Variants in PTPRN2 observed in about 807,000 individuals in gnomAD.
The protein encoded by PTPRN2 is protein tyrosine phosphatase receptor type N2, also known as receptor-type tyrosine-protein phosphatase N2.
Under a neutral mutation model 118.8 loss-of-function variants are expected in PTPRN2, and 74 were observed. That is an observed-to-expected ratio of 0.62 (90% CI 0.52 to 0.76). The LOEUF (loss-of-function observed/expected upper bound fraction) is 0.76. Ranked by LOEUF, PTPRN2 falls within the 30% of genes least tolerant of loss-of-function variation. PTPRN2 has a pLI of 0.00. For missense variants in PTPRN2, 1,481 were observed against 1,394.4 expected (o/e 1.06, Z -0.99); for synonymous variants, 641 against 608.0 (o/e 1.05, Z -0.80).
chr7:157,748,740 G>A (rs1391878971), intron 12 of PTPRN2, among the ~76,000 whole-genome samples: 4 of 132,802 alleles, frequency 3.0e-5, no homozygotes, highest in Non-Finnish European at 4.9e-5. Flanking sequence ...TGAGCTGTGG[G>A]CTGTCCGGGT....
At position 158,059,008 on chromosome 7, in the gene PTPRN2, C is replaced by T. The variant is rs566888413; in HGVS notation, c.1723+22290G>A. Among the ~76,000 whole-genome samples, 153 of 113,608 alleles carry T rather than the reference C, an allele frequency of 1.3e-3. 3 individuals are homozygous for T. The highest frequency in any genetic ancestry group is 6.4e-3 in the African/African-American group (142 of 22,242). The allele number at this position is 113,608 out of a possible 152,430, so 74.5% of individuals were successfully genotyped here. On this transcript the variant is annotated intron_variant, in intron 11 of 22. Coordinates refer to ENST00000389418, the MANE Select transcript of PTPRN2 (RefSeq NM_002847.5). ...GCCCACAGTGAGACATCACTGCAGC[C>T]ACACTCCATCTGCCCACAGTGAGAC...
chr7:158,249,968 G>A lies in PTPRN2; in HGVS notation c.278-44695C>T, dbSNP rs112258663. On this transcript the variant is annotated intron_variant, in intron 3 of 22. Transcript: ENST00000389418. ...GTGAGAGAACACGTGTTGGATGCAC[G>A]ACACACACACGAGTTTCCCACACTG... Among the ~76,000 whole-genome samples the A allele has an allele frequency of 2.6e-3, 389 of 152,054 alleles. 5 individuals are homozygous for A. Among genetic ancestry groups the A allele is most frequent in the African/African-American group, 9.0e-3 (373 of 41,478 alleles).
chr7:158,134,277 C>A (rs1004460138), intron 8 of PTPRN2, among the ~76,000 whole-genome samples: 2 of 152,134 alleles, frequency 1.3e-5, no homozygotes, highest in African/African-American at 4.8e-5. Flanking sequence ...CACTTACGTG[C>A]TGTTTTCTCC....
chr7:158,184,007 T>C (rs1402845569), intron 5 of PTPRN2, among the ~76,000 whole-genome samples: 1 of 152,234 alleles, frequency 6.6e-6, no homozygotes, highest in African/African-American at 2.4e-5. Context: ...GAGATTTTTA[T>C]ACATTCTGAA....
At chr7:158,443,618 T>C (rs1817519043) in intron 2 of PTPRN2, among the ~76,000 whole-genome samples, 2 of 151,490 alleles carry the variant, frequency 1.3e-5, no homozygotes, top group Admixed American at 1.3e-4. Context: ...ATCTTCCTGA[T>C]GGGGGAGCGG....
At chr7:158,173,814 T>C (rs1823936830) in intron 5 of PTPRN2, among the ~76,000 whole-genome samples, 5 of 152,224 alleles carry the variant, frequency 3.3e-5, no homozygotes. Flanking sequence ...TTTCTCCTAC[T>C]TGCTTTCTGC....
At chr7:158,056,677 G>A (rs1222266651) in intron 11 of PTPRN2, among the ~76,000 whole-genome samples, 1 of 152,218 alleles carries the variant, frequency 6.6e-6, no homozygotes, top group Non-Finnish European at 1.5e-5. Flanking sequence ...CCAGCGTCCA[G>A]TGAGGCCTAT....
At chr7:157,698,395 A>G (rs1315954336) in intron 12 of PTPRN2, among the ~76,000 whole-genome samples, 1 of 152,230 alleles carries the variant, frequency 6.6e-6, no homozygotes, top group Non-Finnish European at 1.5e-5. Context: ...CAAAAATAGG[A>G]ACTCAATGAT....
At chr7:157,555,619 T>C (rs1240113096) in intron 21 of PTPRN2, among the ~76,000 whole-genome samples, 1 of 152,266 alleles carries the variant, frequency 6.6e-6, no homozygotes, top group African/African-American at 2.4e-5. Flanking sequence ...GGATAATGAC[T>C]GCATGAGCGC....
intron 2 of PTPRN2, among the ~76,000 whole-genome samples, chr7:158,345,627 G>T (rs962539926): frequency 1.3e-5 from 2 of 152,182 alleles, no homozygotes; most frequent in Admixed American, 6.5e-5. Context: ...ACTCATCCCA[G>T]GTGGGGAAAC....
At chr7:158,457,230 G>T (rs1048970135) in intron 2 of PTPRN2, among the ~76,000 whole-genome samples, 1 of 152,036 alleles carries the variant, frequency 6.6e-6, no homozygotes, top group Non-Finnish European at 1.5e-5. Flanking sequence ...TCCTGAAAGC[G>T]TCCTTATCTG....
intron 12 of PTPRN2, among the ~76,000 whole-genome samples, chr7:157,844,477 G>A (rs1808657483): frequency 6.6e-6 from 1 of 152,176 alleles, no homozygotes; most frequent in Admixed American, 6.5e-5. Flanking sequence ...TGGGGCAGAG[G>A]AACGACCCAA....
chr7:157,612,919 G>A (rs1450765942), intron 15 of PTPRN2, among the ~76,000 whole-genome samples: 1 of 152,170 alleles, frequency 6.6e-6, no homozygotes, highest in African/African-American at 2.4e-5. Flanking sequence ...CACACCCCAC[G>A]GCAGCCGAAG....
intron 11 of PTPRN2, among the ~76,000 whole-genome samples, chr7:158,019,160 A>G (rs1286802913): frequency 1.3e-5 from 2 of 152,226 alleles, no homozygotes; most frequent in African/African-American, 4.8e-5. Flanking sequence ...ACGCAGGCCC[A>G]TCCTCCCACC....
intron 3 of PTPRN2, among the ~76,000 whole-genome samples, chr7:158,259,132 C>T (rs1797224229): frequency 6.6e-6 from 1 of 152,164 alleles, no homozygotes; most frequent in Non-Finnish European, 1.5e-5. Flanking sequence ...AGTGAGAGCT[C>T]AGTTTCCAAA....
intron 12 of PTPRN2, among the ~76,000 whole-genome samples, chr7:157,683,878 A>C (rs1797034180): frequency 6.6e-6 from 1 of 152,150 alleles, no homozygotes; most frequent in Non-Finnish European, 1.5e-5. Context: ...ATGGGGGAGC[A>C]CGCCCGGCCT....
At chr7:157,843,588 G>C (rs1257156522) in intron 12 of PTPRN2, among the ~76,000 whole-genome samples, 1 of 152,208 alleles carries the variant, frequency 6.6e-6, no homozygotes. Flanking sequence ...CCTGGGGGAG[G>C]GCAGGTGGAG....
intron 2 of PTPRN2, among the ~76,000 whole-genome samples, chr7:158,340,831 ACTCTCAC>A: frequency 1.1e-5 from 1 of 87,928 alleles, no homozygotes; most frequent in African/African-American, 4.4e-5. Context: ...TCACACCCAC[ACTCTCAC>A]CATAAGAGCT....
intron 12 of PTPRN2, among the ~76,000 whole-genome samples, chr7:157,736,752 C>T (rs1156943667): frequency 6.6e-6 from 1 of 152,298 alleles, no homozygotes; most frequent in South Asian, 2.1e-4. Flanking sequence ...CACGGAGTCT[C>T]GTGTCTCCTG....
Sources: allele counts gnomAD v4.1 joint callset (sites outside exome capture counted in the v4.1 genomes callset), GRCh38; gene constraint gnomAD v4.1.1; transcripts MANE v1.5; gene names NCBI Gene and HGNC (gene_info 2026-07-23, HGNC 2026-07-21).